KAT6B: variants seen among roughly 807,000 people sequenced by gnomAD.
KAT6B encodes histone acetyltransferase KAT6B.
In KAT6B, 10 loss-of-function variants were observed where a neutral mutation model predicts 187.5. The observed-to-expected ratio is 0.05, with a 90% confidence interval of 0.03 to 0.09. KAT6B has a LOEUF of 0.09. Ranked by LOEUF, KAT6B falls within the 10% of genes least tolerant of loss-of-function variation. KAT6B has a pLI of 1.00. For missense variants in KAT6B, 1,952 were observed against 2,558.9 expected (o/e 0.76, Z 5.12); for synonymous variants, 861 against 926.8 (o/e 0.93, Z 1.29).
intron 13 of KAT6B, among the ~76,000 whole-genome samples, chr10:74,994,746 G>A (rs562763712): frequency 2.0e-5 from 3 of 151,144 alleles, no homozygotes; most frequent in East Asian, 1.9e-4. Flanking sequence ...AGATTGCACC[G>A]AGCTGAGATT....
At chr10:74,989,825 T>C (rs977674033) in intron 13 of KAT6B, among the ~76,000 whole-genome samples, 2 of 152,092 alleles carry the variant, frequency 1.3e-5, no homozygotes, top group African/African-American at 4.8e-5. Context: ...TAGGGGTACA[T>C]TTGGAGAATC....
At chr10:74,957,917 T>C (rs1160998498) in intron 3 of KAT6B, among the ~76,000 whole-genome samples, 3 of 152,384 alleles carry the variant, frequency 2.0e-5, no homozygotes, top group East Asian at 1.9e-4. Context: ...CAATTTGTTA[T>C]AGCTTGTCTC....
chr10:74,860,871 C>G (rs1455592022), intron 3 of KAT6B, among the ~76,000 whole-genome samples: 1 of 152,172 alleles, frequency 6.6e-6, no homozygotes, highest in African/African-American at 2.4e-5. Context: ...GGCGCAGTGG[C>G]TCACACCTGT....
At position 75,030,742 on chromosome 10, in the gene KAT6B, C is replaced by T; in HGVS notation, c.5918C>T (p.Pro1973Leu). The change falls in exon 18 of 18, where the codon CCA becomes CTA. Residue 1973 changes from proline (P) to leucine (L), a missense_variant. Physicochemically the swap from Pro to Leu is moderately conservative, Grantham distance 98 (BLOSUM62 -3). Coordinates refer to ENST00000287239, the MANE Select transcript of KAT6B (RefSeq NM_012330.4). The surrounding 1 kb of genome is among the most constrained non-coding windows in gnomAD (Gnocchi z 4.8). ...ATGAACATGAGTGTGAACCTGATGC[C>T]AGCGCCAGCCTACAATGTCAACTCT... ...RGMNMSVNLMPAPAYNVNSVN... is the reference protein window; with the variant it reads ...RGMNMSVNLMLAPAYNVNSVN... 6.2e-7 allele frequency: 1 copy of T among 1,614,194 alleles called. No individual in the cohort carries two copies. The highest frequency in any genetic ancestry group is 8.5e-7 in the Non-Finnish European group (1 of 1,180,036).
rs1247436447 is a variant in KAT6B, at chr10:75,025,214, A to T, written c.3629A>T (p.Asp1210Val). The T allele has an allele frequency of 1.2e-6, 2 of 1,614,102 alleles. No individual in the cohort carries two copies. Among genetic ancestry groups the T allele is most frequent in the African/African-American group, 2.7e-5 (2 of 74,936 alleles). The change falls in exon 17 of 18, where the codon GAC (aspartate) becomes GTC (valine). Residue 1210 changes from aspartate (D) to valine (V), a missense_variant. Physicochemically the swap from Asp to Val is radical, Grantham distance 152. Around this residue, in one of 9 missense-constraint regions of KAT6B, gnomAD observed 758 missense variants for 891.4 expected, o/e 0.85. Transcript: ENST00000287239. ...CAAACAGAGGAAGAGGAAGGAAAAG[A>T]CAATCATTGCTTCAAGAATGCTGAC... The part of the protein sequence containing the change: ...KRQTEEEEGK[D>V]NHCFKNADPC...
At chr10:74,997,517 A>G (rs1364867004) in intron 13 of KAT6B, among the ~76,000 whole-genome samples, 1 of 152,218 alleles carries the variant, frequency 6.6e-6, no homozygotes, top group Non-Finnish European at 1.5e-5. Context: ...CTGCAAATTG[A>G]ACCCAAGCAC....
chr10:74,912,776 C>T (rs1847339313), intron 3 of KAT6B, among the ~76,000 whole-genome samples: 1 of 152,150 alleles, frequency 6.6e-6, no homozygotes, highest in South Asian at 2.1e-4. Context: ...TATTTCGTGG[C>T]ATTGCCTAAC....
chr10:74,960,181 T>C, intron 4 of KAT6B, 103 bp downstream of exon 4: 1 of 838,916 alleles, frequency 1.2e-6, no homozygotes, highest in Non-Finnish European at 2.1e-6. Flanking sequence ...AAGGCAGTTA[T>C]ATGGTAATAG....
At chr10:74,839,730 C>A (rs976133836) in intron 2 of KAT6B, among the ~76,000 whole-genome samples, 3 of 152,140 alleles carry the variant, frequency 2.0e-5, no homozygotes, top group Admixed American at 1.3e-4. Context: ...GAAATATCTT[C>A]TAATGAAATT....
chr10:75,018,322 CTATCAGTCA>C (rs1845135808), intron 13 of KAT6B, among the ~76,000 whole-genome samples: 2 of 152,238 alleles, frequency 1.3e-5, no homozygotes, highest in South Asian at 4.1e-4. Flanking sequence ...TCTTCCGTGA[CTATCAGTCA>C]TAGCCTGAAG....
chr10:74,878,779 A>G (rs1844625444), intron 3 of KAT6B, among the ~76,000 whole-genome samples: 1 of 152,186 alleles, frequency 6.6e-6, no homozygotes, highest in Non-Finnish European at 1.5e-5. Flanking sequence ...GGTATGAACC[A>G]GGGTGCATGT....
intron 13 of KAT6B, among the ~76,000 whole-genome samples, chr10:75,004,098 C>A (rs1367733949): frequency 2.7e-5 from 4 of 150,840 alleles, no homozygotes; most frequent in African/African-American, 9.8e-5. Context: ...GTTTGGATTT[C>A]TAACGTTGAC....
intron 3 of KAT6B, among the ~76,000 whole-genome samples, chr10:74,931,802 C>G (rs1848901061): frequency 6.6e-6 from 1 of 152,222 alleles, no homozygotes; most frequent in Non-Finnish European, 1.5e-5. Context: ...CCTCCGCCTC[C>G]TGGGTTCAAG....
rs1469497703 is a variant in KAT6B at position 74,960,028 on chromosome 10, G to A, written c.680G>A (p.Arg227His). ...TGTTTGGGGACTAAAGAATCAAATC[G>A]TGAAAAGAAACCAGAAGAACTCCTC... Reference protein sequence around the residue: ...SFCLGTKESNREKKPEELLSC... With the variant: ...SFCLGTKESNHEKKPEELLSC... Residue 227 changes from arginine to histidine, a missense_variant, in exon 4 of 18, where the codon CGT becomes CAT. By Grantham distance (29) the Arg-to-His change is conservative. Around this residue, in one of 9 missense-constraint regions of KAT6B, gnomAD observed 218 missense variants for 282.6 expected, o/e 0.77. Transcript: ENST00000287239. The A allele has an allele frequency of 1.2e-5, 20 of 1,613,738 alleles. No homozygotes were observed. Among genetic ancestry groups the A allele is most frequent in the South Asian group, 2.2e-5 (2 of 91,076 alleles).
intron 3 of KAT6B, among the ~76,000 whole-genome samples, chr10:74,912,414 A>AGATAGATAGATAGATAGAT (rs1564559276): frequency 3.5e-5 from 2 of 57,600 alleles, no homozygotes; most frequent in African/African-American, 1.1e-4. Context: ...GATAGATAGA[A>AGATAGATAGATAGATAGAT]AGATAGATGA....
Position 75,025,216 on chromosome 10 carries a change from A to G in KAT6B, c.3631A>G (p.Asn1211Asp). Residue 1211 changes from asparagine to aspartate, a missense_variant, in exon 17 of 18, where the codon AAT (asparagine) becomes GAT (aspartate). Transcript: ENST00000287239. ...AACAGAGGAAGAGGAAGGAAAAGAC[A>G]ATCATTGCTTCAAGAATGCTGACCC... ...RQTEEEEGKD[N>D]HCFKNADPCR... 1 of 1,614,228 alleles carries G rather than the reference A, an allele frequency of 6.2e-7. No individual in the cohort carries two copies. Among genetic ancestry groups the G allele is most frequent in the South Asian group, 1.1e-5 (1 of 91,080 alleles).
intron 13 of KAT6B, among the ~76,000 whole-genome samples, chr10:74,990,046 T>G (rs535377944): frequency 2.0e-4 from 30 of 151,534 alleles, no homozygotes; most frequent in Non-Finnish European, 4.4e-4. Flanking sequence ...AATACAAAAA[T>G]TAGCTGGATG....
intron 3 of KAT6B, among the ~76,000 whole-genome samples, chr10:74,871,317 C>T (rs779541475): frequency 7.9e-5 from 12 of 151,502 alleles, no homozygotes; most frequent in Non-Finnish European, 1.6e-4. Context: ...CTCAACCTCC[C>T]AAGTAACTGG....
At chr10:74,950,308 G>A (rs1324684228) in intron 3 of KAT6B, among the ~76,000 whole-genome samples, 1 of 152,182 alleles carries the variant, frequency 6.6e-6, no homozygotes, top group East Asian at 1.9e-4. Context: ...ACAGAGTTCT[G>A]TTCTACCCCG....
Sources: gnomAD v4.1 joint callset for allele counts (sites outside exome capture counted in the v4.1 genomes callset) on GRCh38, gnomAD v4.1.1 for gene constraint, gnomAD v4.1.1 regional missense constraint, Gnocchi (gnomAD v3.1) non-coding constraint, MANE v1.5 for transcripts, NCBI Gene and HGNC (gene_info 2026-07-23, HGNC 2026-07-21) for gene names.